The following ZNF735 variants were observed in gnomAD, a reference collection of about 807,000 sequenced individuals.
The protein encoded by ZNF735 is putative zinc finger protein 735.
Under a neutral mutation model 13.4 loss-of-function variants are expected in ZNF735, and 11 were observed. That is an observed-to-expected ratio of 0.82 (90% CI 0.52 to 1.36). The LOEUF is 1.36. Among genes scored for constraint, ZNF735 ranks in the 40% most tolerant of loss-of-function variants. The pLI, the probability that ZNF735 is intolerant of heterozygous loss-of-function variation, is 0.00. For missense variants in ZNF735, 500 were observed against 484.6 expected (o/e 1.03, Z -0.30); for synonymous variants, 171 against 162.6 (o/e 1.05, Z -0.39).
chr7:64,213,104 T>G, exon 2 of ZNF735: 1 of 1,612,604 alleles, frequency 6.2e-7, no homozygotes, highest in Non-Finnish European at 8.5e-7. Context: ...ACTGTTGACA[T>G]TCAGAGACAT....
In ZNF735 at chr7:64,219,298, T is replaced by G. The variant is rs1165713585; in HGVS notation, c.263-16T>G. 1 of 1,605,178 alleles carries G rather than the reference T, an allele frequency of 6.2e-7. No homozygotes were observed. The highest frequency in any genetic ancestry group is 1.1e-5 in the South Asian group (1 of 89,244). On this transcript the variant is annotated splice_polypyrimidine_tract_variant and intron_variant, in intron 3 of 3. Transcript: ENST00000429565. ...GTCTAGTAAGTGGAGTAACTTGTGA[T>G]TTTTATGTCTTTCAGTTACATGTTC... is the stretch of plus-strand genomic sequence containing the variant.
intron 3 of ZNF735, 107 bp downstream of exon 3, chr7:64,214,215 G>A: frequency 8.3e-7 from 1 of 1,199,830 alleles, no homozygotes; most frequent in Non-Finnish European, 1.1e-6. Context: ...TATGGAAAGA[G>A]TTTCTGAGAA....
exon 4 of ZNF735, chr7:64,219,654 T>C: frequency 6.3e-7 from 1 of 1,583,190 alleles, no homozygotes; most frequent in Non-Finnish European, 8.6e-7. Flanking sequence ...CACACCTAAA[T>C]CAACATCAGA....
intron 1 of ZNF735, among the ~76,000 whole-genome samples, chr7:64,212,480 G>A (rs977366772): frequency 2.5e-4 from 38 of 152,150 alleles, no homozygotes; most frequent in African/African-American, 9.2e-4. Context: ...TCTGTATGAT[G>A]TAAATATAGC....
At chr7:64,219,494 G>C in exon 4 of ZNF735, 1 of 1,612,186 alleles carries the variant, frequency 6.2e-7, no homozygotes, top group Middle Eastern at 1.7e-4. Flanking sequence ...CTTAACCAAT[G>C]TTTGTCAAAT....
chr7:64,211,897 A>G (rs945732079), intron 1 of ZNF735, among the ~76,000 whole-genome samples: 4 of 139,232 alleles, frequency 2.9e-5, no homozygotes, highest in African/African-American at 5.0e-5. Flanking sequence ...AAAAATATAT[A>G]TATATATATA....
chr7:64,212,685 C>T (rs1028705571), intron 1 of ZNF735, among the ~76,000 whole-genome samples: 3 of 151,450 alleles, frequency 2.0e-5, no homozygotes, highest in Non-Finnish European at 4.4e-5. Context: ...CCCAGCTACT[C>T]GGGAGACTGA....
At chr7:64,214,768 TA>T (rs2116484652) in intron 3 of ZNF735, among the ~76,000 whole-genome samples, 1 of 152,180 alleles carries the variant, frequency 6.6e-6, no homozygotes, top group South Asian at 2.1e-4. Flanking sequence ...TATTATATAA[TA>T]ATTTCATTTT....
intron 3 of ZNF735, among the ~76,000 whole-genome samples, chr7:64,219,053 G>A (rs1334075391): frequency 6.6e-6 from 1 of 152,174 alleles, no homozygotes; most frequent in African/African-American, 2.4e-5. Context: ...TTGGGTAAAT[G>A]TAGCAGACTT....
In ZNF735 at chr7:64,214,067, C is replaced by T. The variant is rs1483568504; in HGVS notation, c.221C>T (p.Pro74Leu). The T allele has an allele frequency of 3.7e-6, 6 of 1,600,350 alleles. No individual in the cohort carries two copies. In the Admixed American group the frequency reaches 6.7e-5, roughly 18 times the overall value. Residue 74 changes from proline to leucine, a missense_variant, in exon 3 of 4, where the codon CCC becomes CTC. Physicochemically the swap from Pro to Leu is moderately conservative, Grantham distance 98 (BLOSUM62 -3). Coordinates refer to ENST00000429565, the Ensembl canonical transcript of ZNF735. Reference sequence around the variant, plus strand: ...GCCTGTCTGGAGCAAAATAAAGAGCCCCAGAATATAAAGAGAAATGAGATG... The same window carrying T: ...GCCTGTCTGGAGCAAAATAAAGAGCTCCAGAATATAAAGAGAAATGAGATG...
At chr7:64,216,682 C>T (rs1440953946) in intron 3 of ZNF735, among the ~76,000 whole-genome samples, 9 of 151,918 alleles carry the variant, frequency 5.9e-5, no homozygotes, top group African/African-American at 1.7e-4. Flanking sequence ...CTTGGCTCAT[C>T]ACAACCTCAA....
exon 4 of ZNF735, chr7:64,219,643 T>G (rs1367055686): frequency 1.3e-6 from 2 of 1,581,088 alleles, no homozygotes; most frequent in Non-Finnish European, 1.7e-6. Flanking sequence ...TTGCATGTTT[T>G]CACACCTAAA....
chr7:64,219,259 G>A, intron 3 of ZNF735, 55 bp from the exon 4 acceptor site: 3 of 1,572,916 alleles, frequency 1.9e-6, no homozygotes, highest in Non-Finnish European at 2.6e-6. Flanking sequence ...GATTTGTACA[G>A]TATATTTATC....
chr7:64,214,232 GTATTTTT>G (rs1405677605), intron 3 of ZNF735, 124 bp downstream of exon 3: 14 of 1,078,046 alleles, frequency 1.3e-5, no homozygotes, highest in South Asian at 1.0e-4. Context: ...AGAAGCTTGA[GTATTTTT>G]TATTTTTTAT....
At chr7:64,208,848 T>G (rs1787324603) in intron 1 of ZNF735, among the ~76,000 whole-genome samples, 1 of 152,190 alleles carries the variant, frequency 6.6e-6, no homozygotes, top group Non-Finnish European at 1.5e-5. Context: ...GCACTAGTTT[T>G]CTAAAAATAA....
At position 64,207,754 on chromosome 7, in the gene ZNF735, C is replaced by T. The variant is rs141089539; in HGVS notation, c.39+513C>T. On this transcript the variant is annotated intron_variant, in intron 1 of 3. Coordinates refer to ENST00000429565, the Ensembl canonical transcript of ZNF735. The stretch of plus-strand genomic sequence containing the variant: ...CTGTAATCCCAGCACTTTGGGAGGC[C>T]GAGGCGGGCGGATCACGAGGTCAGG... 6.6e-3 allele frequency among the ~76,000 whole-genome samples: 1,002 copies of T among 152,160 alleles called. 4 individuals carry two copies. Among genetic ancestry groups the T allele is most frequent in the Non-Finnish European group, 0.01 (680 of 67,980 alleles).
At chr7:64,214,240 TA>T in intron 3 of ZNF735, 132 bp downstream of exon 3, 1 of 1,021,002 alleles carries the variant, frequency 9.8e-7, no homozygotes. Context: ...GAGTATTTTT[TA>T]TTTTTTATTT....
At position 64,207,715 on chromosome 7, in the gene ZNF735, G is replaced by A. The variant is rs569637125; in HGVS notation, c.39+474G>A. On this transcript the variant is annotated intron_variant, in intron 1 of 3. Transcript: ENST00000429565. ...TCAAGAATCATAGAGCGGGCCAGGC[G>A]CGGTGGCTCACGCCTGTAATCCCAG... is the stretch of plus-strand genomic sequence containing the variant. Among the ~76,000 whole-genome samples the A allele has an allele frequency of 2.2e-4, 34 of 152,282 alleles. No individual in the cohort carries two copies. In the East Asian group the frequency reaches 3.7e-3, roughly 16 times the overall value.
intron 3 of ZNF735, among the ~76,000 whole-genome samples, chr7:64,215,643 A>G (rs539302364): frequency 5.1e-4 from 74 of 144,698 alleles, no homozygotes; most frequent in African/African-American, 1.7e-3. Flanking sequence ...ATTTTTTTCT[A>G]AGAGTTTCAT....
Sources: allele counts gnomAD v4.1 joint callset (sites outside exome capture counted in the v4.1 genomes callset), GRCh38; gene constraint gnomAD v4.1.1; transcripts MANE v1.5; gene names NCBI Gene and HGNC (gene_info 2026-07-23, HGNC 2026-07-21).